Variants in MAPK10 observed in about 807,000 individuals in gnomAD.
MAPK10 encodes JNK3 alpha protein kinase.
MAPK10 carries 25 observed loss-of-function variants against 59.3 expected under a neutral mutation model. The observed-to-expected ratio is 0.42, with a 90% CI of 0.31 to 0.59. The LOEUF (loss-of-function observed/expected upper bound fraction) is 0.59, where lower values mean the gene tolerates loss of function less well. Ranked by LOEUF, MAPK10 falls within the 20% of genes least tolerant of loss-of-function variation. The pLI is 0.15. For missense variants in MAPK10, 351 were observed against 568.9 expected (o/e 0.62, Z 3.90); for synonymous variants, 190 against 200.5 (o/e 0.95, Z 0.44).
At chr4:86,551,020 T>C (rs1759733617) in intron 1 of MAPK10, among the ~76,000 whole-genome samples, 1 of 152,196 alleles carries the variant, frequency 6.6e-6, no homozygotes, top group Non-Finnish European at 1.5e-5. Context: ...GACAGATAAG[T>C]AAAATCATCC....
intron 2 of MAPK10, among the ~76,000 whole-genome samples, chr4:86,246,254 A>C (rs1034558270): frequency 6.6e-6 from 1 of 152,146 alleles, no homozygotes; most frequent in South Asian, 2.1e-4. Flanking sequence ...ACAAGGTGAA[A>C]TCCTGTCTCC....
Position 86,111,901 on chromosome 4 carries a change from C to T in MAPK10, c.237-4549G>A, listed in dbSNP as rs535393729. ...TTTATTACTGCTCAATTTCAGAACT[C>T]GTTATTGGTCTATTCAGGGATTCAG... On this transcript the variant is annotated intron_variant, in intron 4 of 13. Coordinates refer to ENST00000641462, the MANE Select transcript of MAPK10 (RefSeq NM_138982.4). 2.6e-5 allele frequency among the ~76,000 whole-genome samples: 4 copies of T among 152,012 alleles called. No individual in the cohort carries two copies. In the South Asian group the frequency reaches 6.2e-4, roughly 24 times the overall value.
At chr4:86,308,547 T>G (rs774530040) in intron 2 of MAPK10, 3 of 152,202 alleles carry the variant, frequency 2.0e-5, no homozygotes, top group Non-Finnish European at 4.4e-5. Flanking sequence ...GATAAATTCC[T>G]GCAGGCCATC....
intron 2 of MAPK10, among the ~76,000 whole-genome samples, chr4:86,255,717 G>GT (rs1563659482): frequency 6.6e-6 from 1 of 151,584 alleles, no homozygotes; most frequent in East Asian, 1.9e-4. Flanking sequence ...GGGGGATGGG[G>GT]TGGGAGGGTT....
intron 11 of MAPK10, 90 bp downstream of exon 11, chr4:86,064,176 G>T: frequency 6.8e-7 from 1 of 1,466,916 alleles, no homozygotes; most frequent in Non-Finnish European, 9.3e-7. Context: ...AAAATCCATT[G>T]TGCATTCTTT....
intron 4 of MAPK10, chr4:86,125,133 C>G (rs569616937): frequency 2.6e-5 from 4 of 151,830 alleles, no homozygotes; most frequent in African/African-American, 9.6e-5. Context: ...CTTTTGAGAA[C>G]ATTTTTCAAA....
chr4:86,033,026 C>A (rs892188973), intron 11 of MAPK10, among the ~76,000 whole-genome samples: 1 of 151,274 alleles, frequency 6.6e-6, no homozygotes, highest in African/African-American at 2.5e-5. Context: ...ACACATTGAA[C>A]GTATATAAGG....
At chr4:86,458,300 A>G (rs1437428478) in intron 1 of MAPK10, among the ~76,000 whole-genome samples, 2 of 102,236 alleles carry the variant, frequency 2.0e-5, no homozygotes, top group African/African-American at 3.4e-5. Context: ...ACTCTGTCTC[A>G]AAAAAAAAAA....
At chr4:86,165,812 C>G (rs1400628531) in intron 3 of MAPK10, among the ~76,000 whole-genome samples, 4 of 152,002 alleles carry the variant, frequency 2.6e-5, no homozygotes. Flanking sequence ...AAGAGTTACT[C>G]TCAGCAGAGG....
chr4:86,545,341 C>T (rs1002218940), intron 1 of MAPK10, among the ~76,000 whole-genome samples: 8 of 152,038 alleles, frequency 5.3e-5, no homozygotes, highest in African/African-American at 1.9e-4. Flanking sequence ...TCATCCGTGG[C>T]GGGGAGAGGA....
At chr4:86,075,395 G>A (rs1451692515) in intron 9 of MAPK10, among the ~76,000 whole-genome samples, 4 of 152,148 alleles carry the variant, frequency 2.6e-5, no homozygotes, top group Non-Finnish European at 5.9e-5. Context: ...CTCTCAGCTC[G>A]TCAAAGTCAT....
intron 1 of MAPK10, among the ~76,000 whole-genome samples, chr4:86,520,239 G>A (rs780887315): frequency 4.6e-5 from 7 of 152,024 alleles, no homozygotes; most frequent in Admixed American, 6.5e-5. Flanking sequence ...ATCTTCTTCC[G>A]TGGAACACCA....
intron 1 of MAPK10, among the ~76,000 whole-genome samples, chr4:86,391,396 T>C (rs1219455111): frequency 6.6e-6 from 1 of 152,216 alleles, no homozygotes; most frequent in East Asian, 1.9e-4. Flanking sequence ...TCAGAGTAGT[T>C]CAGTCTTGTC....
chr4:86,298,251 A>C (rs911545736), intron 2 of MAPK10, among the ~76,000 whole-genome samples: 1 of 152,194 alleles, frequency 6.6e-6, no homozygotes, highest in Admixed American at 6.5e-5. Flanking sequence ...TAGTTTGTAG[A>C]CATTTCCAGA....
intron 1 of MAPK10, among the ~76,000 whole-genome samples, chr4:86,587,879 T>C (rs1199679934): frequency 6.6e-6 from 1 of 152,206 alleles, no homozygotes; most frequent in Non-Finnish European, 1.5e-5. Flanking sequence ...AAGCTGGGTG[T>C]GGCAATGCGT....
intron 2 of MAPK10, among the ~76,000 whole-genome samples, chr4:86,305,820 CAAAA>C (rs34255377): frequency 1.8e-5 from 2 of 112,036 alleles, no homozygotes; most frequent in Non-Finnish European, 1.8e-5. Context: ...ACTCCATCTC[CAAAA>C]AAAAAAAAAA....
chr4:86,409,492 A>C (rs980198031), intron 1 of MAPK10, among the ~76,000 whole-genome samples: 1 of 152,198 alleles, frequency 6.6e-6, no homozygotes, highest in Admixed American at 6.5e-5. Flanking sequence ...TACCTTGAGC[A>C]GTATGGCCAT....
chr4:86,359,763 C>A lies in MAPK10; in HGVS notation c.-227G>T. ...ATTCCAGACTAACATGGAAGAGATT[C>A]TTTGGAGATATGGAGATTGTTTAAA... On this transcript the variant is annotated 5_prime_UTR_variant, in exon 1 of 14. Coordinates refer to ENST00000641462, the MANE Select transcript of MAPK10 (RefSeq NM_138982.4). 1.0e-6 allele frequency: 1 copy of A among 985,576 alleles called. No individual in the cohort carries two copies. The highest frequency in any genetic ancestry group is 1.2e-6 in the Non-Finnish European group (1 of 829,846). 61.1% of individuals were successfully genotyped at this position (985,576 alleles called of 1,614,324 possible).
intron 1 of MAPK10, among the ~76,000 whole-genome samples, chr4:86,400,979 T>C (rs1743632083): frequency 6.6e-6 from 1 of 152,154 alleles, no homozygotes; most frequent in Non-Finnish European, 1.5e-5. Flanking sequence ...CAAATGTGGG[T>C]CACGAGGTCA....
Sources: gnomAD v4.1 joint callset for allele counts (sites outside exome capture counted in the v4.1 genomes callset) on GRCh38, gnomAD v4.1.1 for gene constraint, MANE v1.5 for transcripts, NCBI Gene and HGNC (gene_info 2026-07-23, HGNC 2026-07-21) for gene names.